Variants in OSBPL10 observed in about 807,000 individuals in gnomAD.
OSBPL10 encodes the protein oxysterol-binding protein-related protein 10.
OSBPL10 carries 49 observed loss-of-function variants against 81.7 expected under a neutral mutation model. That is an observed-to-expected ratio of 0.60 (90% CI 0.48 to 0.76). The LOEUF (loss-of-function observed/expected upper bound fraction) is 0.76. Ranked by LOEUF, OSBPL10 falls within the 30% of genes least tolerant of loss-of-function variation. The pLI is 0.00. For synonymous variants in OSBPL10, 419 were observed against 383.6 expected, an observed-to-expected ratio of 1.09 and a Z score of -1.08; for missense variants, 923 against 987.8, an observed-to-expected ratio of 0.93 and a Z score of 0.88.
intron 4 of OSBPL10, among the ~76,000 whole-genome samples, chr3:31,797,148 C>T (rs968295103): frequency 2.0e-5 from 3 of 151,948 alleles, no homozygotes; most frequent in Non-Finnish European, 2.9e-5. Context: ...GCATGCGCCA[C>T]GACGCCCAGC....
Position 31,823,246 on chromosome 3 carries a change from T to A in OSBPL10, c.729+6794A>T, listed in dbSNP as rs546729786. On this transcript the variant is annotated intron_variant, in intron 4 of 11. Transcript: ENST00000396556. ...TAAGCAACCCTTGAATACCTCCATA[T>A]GCCATTTTAAAAGAGCCCTAACAGC... is the stretch of plus-strand genomic sequence containing the variant. Among the ~76,000 whole-genome samples, 5 of 152,330 alleles carry A rather than the reference T, an allele frequency of 3.3e-5. No individual in the cohort carries two copies. In the East Asian group the frequency reaches 9.6e-4, roughly 29 times the overall value.
At chr3:31,907,398 G>A (rs1215424760) in intron 1 of OSBPL10, among the ~76,000 whole-genome samples, 1 of 151,912 alleles carries the variant, frequency 6.6e-6, no homozygotes, top group Admixed American at 6.6e-5. Flanking sequence ...AGGCCGAGGT[G>A]GGCAGATCAC....
intron 3 of OSBPL10, among the ~76,000 whole-genome samples, chr3:31,862,560 A>G (rs553420639): frequency 4.0e-4 from 61 of 152,348 alleles, no homozygotes; most frequent in African/African-American, 1.4e-3. Flanking sequence ...AGGTCTAACT[A>G]TCAAGACTAT....
chr3:32,021,843 G>A (rs1699365788), intron 2 of OSBPL10, among the ~76,000 whole-genome samples: 1 of 151,926 alleles, frequency 6.6e-6, no homozygotes, highest in Non-Finnish European at 1.5e-5. Flanking sequence ...GCTGGGCATG[G>A]TGGTGCATGA....
At chr3:31,700,233 G>T (rs1345198331) in intron 7 of OSBPL10, 2 of 152,200 alleles carry the variant, frequency 1.3e-5, no homozygotes, top group Non-Finnish European at 2.9e-5. Context: ...GCTCTTTCAA[G>T]AAGAGGCTGT....
intron 10 of OSBPL10, among the ~76,000 whole-genome samples, chr3:31,665,407 C>T (rs3792552): frequency 6.6e-6 from 1 of 152,116 alleles, no homozygotes; most frequent in East Asian, 1.9e-4. Context: ...GGTCCTGGGC[C>T]GGGGAGCATA....
At chr3:31,888,529 A>G (rs1695803873) in intron 1 of OSBPL10, among the ~76,000 whole-genome samples, 1 of 152,254 alleles carries the variant, frequency 6.6e-6, no homozygotes, top group South Asian at 2.1e-4. Context: ...GAGTGAAAAG[A>G]CAATCTACAG....
chr3:31,838,490 G>A (rs1393154035), intron 3 of OSBPL10, among the ~76,000 whole-genome samples: 2 of 133,504 alleles, frequency 1.5e-5, no homozygotes, highest in Admixed American at 8.2e-5. Context: ...CAGCCTGGGC[G>A]ACAGAGCAAG....
At chr3:31,760,968 C>A (rs1026783632) in intron 4 of OSBPL10, among the ~76,000 whole-genome samples, 1 of 151,324 alleles carries the variant, frequency 6.6e-6, no homozygotes, top group Non-Finnish European at 1.5e-5. Flanking sequence ...AGAGGAACTG[C>A]TAAGTTTTTT....
chr3:31,884,184 G>A (rs865835023), intron 1 of OSBPL10, among the ~76,000 whole-genome samples: 4 of 152,158 alleles, frequency 2.6e-5, no homozygotes, highest in Non-Finnish European at 4.4e-5. Flanking sequence ...AGAATATAGG[G>A]ACACATTAAT....
chr3:31,733,452 T>A, intron 5 of OSBPL10, 41 bp from the exon 6 acceptor site: 1 of 1,612,244 alleles, frequency 6.2e-7, no homozygotes, highest in South Asian at 1.1e-5. Context: ...ATTTTCCAAA[T>A]TAAACATTTA....
intron 4 of OSBPL10, among the ~76,000 whole-genome samples, chr3:31,814,002 C>A (rs1699772765): frequency 6.6e-6 from 1 of 152,202 alleles, no homozygotes; most frequent in Non-Finnish European, 1.5e-5. Context: ...AAAGCTGAGC[C>A]AGAATCTCTG....
At chr3:31,995,317 G>T (rs1699079756) in intron 2 of OSBPL10, among the ~76,000 whole-genome samples, 1 of 152,140 alleles carries the variant, frequency 6.6e-6, no homozygotes, top group Non-Finnish European at 1.5e-5. Flanking sequence ...CATCCCCAGA[G>T]CGGCCGTTTA....
chr3:31,887,582 GAAAGA>G (rs1695770627), intron 1 of OSBPL10, among the ~76,000 whole-genome samples: 1 of 152,140 alleles, frequency 6.6e-6, no homozygotes, highest in Non-Finnish European at 1.5e-5. Context: ...CTAGAGGGTA[GAAAGA>G]AAAGAAACTT....
chr3:32,002,424 T>G (rs1388383188), intron 2 of OSBPL10, among the ~76,000 whole-genome samples: 2 of 152,208 alleles, frequency 1.3e-5, no homozygotes, highest in Admixed American at 6.5e-5. Flanking sequence ...TGAAATGTAT[T>G]TTGACAGACT....
chr3:32,040,741 GT>G (rs1475293481), intron 2 of OSBPL10, among the ~76,000 whole-genome samples: 2 of 152,028 alleles, frequency 1.3e-5, no homozygotes, highest in African/African-American at 4.8e-5. Context: ...GGAGGCTGAG[GT>G]GGGAAGATTG....
intron 7 of OSBPL10, among the ~76,000 whole-genome samples, chr3:31,701,127 T>C (rs1277868024): frequency 6.6e-6 from 1 of 152,198 alleles, no homozygotes. Context: ...CTTCTATAAA[T>C]GGTTAGTCAC....
At chr3:31,862,855 T>A (rs1320424064) in intron 3 of OSBPL10, among the ~76,000 whole-genome samples, 1 of 152,232 alleles carries the variant, frequency 6.6e-6, no homozygotes, top group African/African-American at 2.4e-5. Flanking sequence ...GAAACCAGTC[T>A]GGTTGTTCCT....
At chr3:31,714,861 CTCT>C (rs1438620349) in intron 6 of OSBPL10, 6 of 152,926 alleles carry the variant, frequency 3.9e-5, no homozygotes, top group Non-Finnish European at 4.4e-5. Flanking sequence ...CAGACGCCTC[CTCT>C]TAACACTGTC....
Sources: gnomAD v4.1 joint callset for allele counts (sites outside exome capture counted in the v4.1 genomes callset) on GRCh38, gnomAD v4.1.1 for gene constraint, MANE v1.5 for transcripts, NCBI Gene and HGNC (gene_info 2026-07-23, HGNC 2026-07-21) for gene names.